SP3: variants seen among roughly 807,000 people sequenced by gnomAD.
SP3 encodes the protein Sp3 transcription factor, also known as transcription factor Sp3.
In SP3, 10 loss-of-function variants were observed where a neutral mutation model predicts 70.3. The ratio of observed to expected loss-of-function variants is 0.14; its 90% CI spans 0.09 to 0.24. The LOEUF is 0.24. SP3 is among the 10% of genes least tolerant of loss of function. The probability of loss-of-function intolerance (pLI) is 1.00; values close to 1 mark genes in which losing one functional copy is unlikely to be tolerated. For missense variants in SP3, 825 were observed against 914.6 expected (o/e 0.90, Z 1.26); for synonymous variants, 402 against 333.5 (o/e 1.21, Z -2.24).
At chr2:173,921,264 G>A (rs1689745764) in intron 4 of SP3, among the ~76,000 whole-genome samples, 1 of 152,080 alleles carries the variant, frequency 6.6e-6, no homozygotes, top group Non-Finnish European at 1.5e-5. Context: ...ATAATAAAAT[G>A]AGTGTGTCCC....
At chr2:173,912,357 C>A (rs149980778) in intron 6 of SP3, among the ~76,000 whole-genome samples, 2 of 152,310 alleles carry the variant, frequency 1.3e-5, no homozygotes, top group Admixed American at 6.5e-5. Flanking sequence ...ACTTCAAAAT[C>A]CATGTTGTTC....
chr2:173,963,562 T>C (rs1401218233), intron 3 of SP3, among the ~76,000 whole-genome samples, 199 bp downstream of exon 3: 1 of 152,094 alleles, frequency 6.6e-6, no homozygotes, highest in Non-Finnish European at 1.5e-5. Context: ...GGTGCTGCAG[T>C]GACAATTTCG....
intron 4 of SP3, among the ~76,000 whole-genome samples, chr2:173,928,573 ACAAT>A: frequency 6.6e-6 from 1 of 151,060 alleles, no homozygotes; most frequent in East Asian, 1.9e-4. Flanking sequence ...CAGACTGTAA[ACAAT>A]CCTGAGTTGG....
chr2:173,908,633 C>G lies in SP3; in HGVS notation c.*1308G>C, dbSNP rs1218138045. 1 of 152,248 alleles carries G rather than the reference C, an allele frequency of 6.6e-6. No homozygotes were observed. Among genetic ancestry groups the G allele is most frequent in the Admixed American group, 6.6e-5 (1 of 15,246 alleles). The allele number at this position is 152,248 out of a possible 1,614,324, so 9.4% of individuals were successfully genotyped here. A position where few individuals can be genotyped will look rare whatever the true frequency, so the allele number is the denominator to read the frequency against. ...AAATTTGAGGTGGTCTTAAGAATAACAAATGAACAGAATTCCAAATTTTTG... is the reference window on the plus strand; with the variant it reads ...AAATTTGAGGTGGTCTTAAGAATAAGAAATGAACAGAATTCCAAATTTTTG... On this transcript the variant is annotated 3_prime_UTR_variant, in exon 7 of 7. Transcript: ENST00000310015.
intron 4 of SP3, among the ~76,000 whole-genome samples, chr2:173,933,634 AACTTTATATATATATATATATATATAT>A (rs1377707198): frequency 8.5e-6 from 1 of 118,062 alleles, no homozygotes; most frequent in Non-Finnish European, 1.7e-5. Context: ...ACATTTATAA[AACTTTATATATATATATATATATATAT>A]ATATATATAT....
intron 4 of SP3, among the ~76,000 whole-genome samples, chr2:173,944,200 G>A (rs756348835): frequency 6.6e-6 from 1 of 152,152 alleles, no homozygotes; most frequent in South Asian, 2.1e-4. Flanking sequence ...GAATTTATGA[G>A]ATTTATGAAA....
At chr2:173,924,795 A>C (rs1169290518) in intron 4 of SP3, among the ~76,000 whole-genome samples, 3 of 152,250 alleles carry the variant, frequency 2.0e-5, no homozygotes, top group Admixed American at 2.0e-4. Context: ...CCTGTATATA[A>C]ATATATGCAA....
intron 1 of SP3, 159 bp downstream of exon 1, chr2:173,965,006 G>T: frequency 2.2e-6 from 2 of 898,180 alleles, no homozygotes; most frequent in Admixed American, 3.1e-5. Flanking sequence ...GGCTGGCGGG[G>T]AGGGGAGGGA....
chr2:173,942,972 G>T (rs1030407985), intron 4 of SP3, among the ~76,000 whole-genome samples: 5 of 152,140 alleles, frequency 3.3e-5, no homozygotes, highest in Non-Finnish European at 5.9e-5. Flanking sequence ...TTTAAAGCTT[G>T]TGGGAGGATG....
chr2:173,960,013 T>C (rs1323234659), intron 3 of SP3, among the ~76,000 whole-genome samples: 4 of 151,766 alleles, frequency 2.6e-5, no homozygotes, highest in African/African-American at 9.7e-5. Context: ...CTACAAAAAA[T>C]ACAAAAATTA....
In SP3 at chr2:173,907,037, C is replaced by T. The variant is rs1689346019; in HGVS notation, c.*2904G>A. 3 of 152,160 alleles carry T rather than the reference C, an allele frequency of 2.0e-5. No homozygotes were observed. The highest frequency in any genetic ancestry group is 7.2e-5 in the African/African-American group (3 of 41,460). 9.4% of individuals were successfully genotyped at this position (152,160 alleles called of 1,614,324 possible). A position where few individuals can be genotyped will look rare whatever the true frequency, so the allele number is the denominator to read the frequency against. On this transcript the variant is annotated 3_prime_UTR_variant, in exon 7 of 7. Coordinates refer to ENST00000310015, the MANE Select transcript of SP3 (RefSeq NM_003111.5). ...CCAAAGTTATTTACAGGGCATCTGA[C>T]TTTCTGCGGTAGGTGTAGCTCCTTT...
chr2:173,931,733 G>A (rs1690073570), intron 4 of SP3, among the ~76,000 whole-genome samples: 1 of 152,174 alleles, frequency 6.6e-6, no homozygotes, highest in Admixed American at 6.5e-5. Context: ...TTGCAGCCTT[G>A]TCTTTATGTT....
intron 5 of SP3, chr2:173,916,661 AT>A (rs1689624429): frequency 6.6e-6 from 1 of 152,088 alleles, no homozygotes; most frequent in Non-Finnish European, 1.5e-5. Flanking sequence ...TGTAAAATTC[AT>A]TGTTGGCAAA....
In SP3 at chr2:173,904,484, C is replaced by A. The variant is rs1239149621; in HGVS notation, c.*5457G>T. On this transcript the variant is annotated 3_prime_UTR_variant, in exon 7 of 7. Transcript: ENST00000310015. ...TGTGGAACCCCAGGAGGATGAAATGCAGATAGTGAAATGCAAGACACTGGA... is the reference window on the plus strand; with the variant it reads ...TGTGGAACCCCAGGAGGATGAAATGAAGATAGTGAAATGCAAGACACTGGA... 6.6e-6 allele frequency among the ~76,000 whole-genome samples: 1 copy of A among 152,160 alleles called. No individual in the cohort carries two copies. Among genetic ancestry groups the A allele is most frequent in the East Asian group, 1.9e-4 (1 of 5,206 alleles).
chr2:173,947,650 G>T (rs1690585281), intron 4 of SP3, among the ~76,000 whole-genome samples: 1 of 152,114 alleles, frequency 6.6e-6, no homozygotes, highest in Non-Finnish European at 1.5e-5. Flanking sequence ...GATTTTCAAA[G>T]TCTTCAACAG....
At position 173,904,598 on chromosome 2, in the gene SP3, T is replaced by G. The variant is rs970189637; in HGVS notation, c.*5343A>C. On this transcript the variant is annotated 3_prime_UTR_variant, in exon 7 of 7. Transcript: ENST00000310015. ...TCATCTTTGCTTTCTCTGCCTCCCA[T>G]GTATGTTCCAGATGTGACCTCCCAA... Among the ~76,000 whole-genome samples, 1 of 152,214 alleles carries G rather than the reference T, an allele frequency of 6.6e-6. No homozygotes were observed. Among genetic ancestry groups the G allele is most frequent in the Non-Finnish European group, 1.5e-5 (1 of 68,028 alleles).
At chr2:173,931,535 G>C (rs1690067192) in intron 4 of SP3, among the ~76,000 whole-genome samples, 1 of 145,396 alleles carries the variant, frequency 6.9e-6, no homozygotes, top group South Asian at 2.2e-4. Context: ...GTAGAGATGG[G>C]GTTTCACCAT....
intron 4 of SP3, among the ~76,000 whole-genome samples, chr2:173,942,087 T>C (rs1013218998): frequency 6.6e-6 from 1 of 152,248 alleles, no homozygotes; most frequent in Non-Finnish European, 1.5e-5. Context: ...TCTATGTATA[T>C]TCTTTCTCTA....
intron 3 of SP3, among the ~76,000 whole-genome samples, chr2:173,962,085 T>C (rs1247317212): frequency 1.3e-5 from 2 of 152,116 alleles, no homozygotes; most frequent in South Asian, 4.1e-4. Flanking sequence ...TCAGGAGTGA[T>C]TTGGTAATTC....
Sources: allele counts gnomAD v4.1 joint callset (sites outside exome capture counted in the v4.1 genomes callset), GRCh38; gene constraint gnomAD v4.1.1; transcripts MANE v1.5; gene names NCBI Gene and HGNC (gene_info 2026-07-23, HGNC 2026-07-21).